The following GALNT13 variants were observed in gnomAD, a reference collection of about 807,000 sequenced individuals.
The protein encoded by GALNT13 is polypeptide N-acetylgalactosaminyltransferase 13.
In GALNT13, 28 loss-of-function variants were observed where a neutral mutation model predicts 64.2. The observed-to-expected ratio is 0.44, with a 90% CI of 0.32 to 0.60. The LOEUF is 0.60. Among genes scored for constraint, GALNT13 ranks in the 20% least tolerant of loss-of-function variants. The pLI is 0.05. For synonymous variants in GALNT13, 214 were observed against 224.6 expected (o/e 0.95, Z 0.42); for missense variants, 577 against 669.8 (o/e 0.86, Z 1.53).
chr2:153,371,788 T>G, the GALNT13 span, among the ~76,000 whole-genome samples: 1 of 152,326 alleles, frequency 6.6e-6, no homozygotes, highest in South Asian at 2.1e-4. Flanking sequence ...TTGTAGATAT[T>G]AAAAAGCTGA....
chr2:153,316,639 C>CAAAAAAAAAAA, the GALNT13 span, among the ~76,000 whole-genome samples: 14,208 of 68,262 alleles, frequency 0.21, 2,183 homozygotes, highest in Non-Finnish European at 0.31. Flanking sequence ...GACTCCGTCT[C>CAAAAAAAAAAA]AAAAAAAAAA....
chr2:153,574,406 T>C, the GALNT13 span, among the ~76,000 whole-genome samples: 1 of 152,112 alleles, frequency 6.6e-6, no homozygotes, highest in African/African-American at 2.4e-5. Context: ...TTTGGGGAGT[T>C]CTCTGTTATT....
chr2:153,404,118 G>T, the GALNT13 span, among the ~76,000 whole-genome samples: 25 of 152,284 alleles, frequency 1.6e-4, no homozygotes, highest in Middle Eastern at 3.4e-3. Flanking sequence ...ATAGTGGCTT[G>T]TATCAGTCCA....
At chr2:153,376,067 T>A in the GALNT13 span, among the ~76,000 whole-genome samples, 95 of 152,124 alleles carry the variant, frequency 6.2e-4, 1 homozygote, top group African/African-American at 2.2e-3. Context: ...AATCTCTTCA[T>A]GAAGGATCTG....
intron 3 of GALNT13, among the ~76,000 whole-genome samples, chr2:154,125,985 T>C (rs891664289): frequency 1.6e-4 from 24 of 152,146 alleles, no homozygotes; most frequent in African/African-American, 5.6e-4. Flanking sequence ...CATGACTGTT[T>C]TTCAGTGGGT....
the GALNT13 span, among the ~76,000 whole-genome samples, chr2:153,648,372 C>T: frequency 1.9e-4 from 29 of 152,058 alleles, no homozygotes; most frequent in South Asian, 6.2e-4. Context: ...TGGGCTGAGA[C>T]GATGGCATTT....
At chr2:154,349,781 A>C (rs1257900836) in intron 9 of GALNT13, among the ~76,000 whole-genome samples, 1 of 152,194 alleles carries the variant, frequency 6.6e-6, no homozygotes, top group Non-Finnish European at 1.5e-5. Context: ...GACACTGATA[A>C]ATAAGTGCCA....
chr2:154,133,534 TTATATATATATATATATATATATATA>T (rs201083794), intron 3 of GALNT13, among the ~76,000 whole-genome samples: 14 of 77,296 alleles, frequency 1.8e-4, no homozygotes, highest in African/African-American at 5.6e-4. Flanking sequence ...ACAGACCATT[TTATATATATATATATATATATATATA>T]TATATATATA....
chr2:154,438,535 T>C (rs1701113167), intron 11 of GALNT13, 57 bp from the exon 12 acceptor site: 14 of 1,336,646 alleles, frequency 1.0e-5, no homozygotes, highest in Middle Eastern at 3.7e-4. Flanking sequence ...ATAGATCTGC[T>C]CTATTGTGAC....
At chr2:154,072,467 C>T (rs539604072) in intron 3 of GALNT13, among the ~76,000 whole-genome samples, 3 of 152,178 alleles carry the variant, frequency 2.0e-5, no homozygotes, top group African/African-American at 7.2e-5. Flanking sequence ...GAGCTAATTG[C>T]ATCTTACTCT....
In GALNT13 at chr2:153,931,663, G is replaced by A. The variant is rs114257674; in HGVS notation, c.-104-12731G>A. ...TGCTGAAGCACATTTATTGATTCAC[G>A]TATGTTGAACCAACCTTGCATCCTA... On this transcript the variant is annotated intron_variant, in intron 2 of 12. Transcript: ENST00000392825. Among the ~76,000 whole-genome samples the A allele has an allele frequency of 5.2e-3, 797 of 152,172 alleles. 10 individuals carry two copies. The highest frequency in any genetic ancestry group is 0.017 in the African/African-American group (726 of 41,522).
intron 9 of GALNT13, among the ~76,000 whole-genome samples, chr2:154,320,293 C>T (rs2105159930): frequency 6.6e-6 from 1 of 152,130 alleles, no homozygotes; most frequent in Admixed American, 6.5e-5. Context: ...ACTTGGAAGT[C>T]AGTATTAAAG....
chr2:154,047,645 C>T (rs1699357801), intron 3 of GALNT13, among the ~76,000 whole-genome samples: 1 of 152,062 alleles, frequency 6.6e-6, no homozygotes, highest in African/African-American at 2.4e-5. Context: ...GTAAATGCTC[C>T]CTACATTTGG....
the GALNT13 span, among the ~76,000 whole-genome samples, chr2:153,564,234 G>A: frequency 6.6e-6 from 1 of 151,772 alleles, no homozygotes; most frequent in Non-Finnish European, 1.5e-5. Flanking sequence ...TTTAATGAAA[G>A]CATTGAAGAG....
intron 1 of GALNT13, among the ~76,000 whole-genome samples, chr2:153,878,351 C>T (rs1558830255): frequency 6.6e-6 from 1 of 152,074 alleles, no homozygotes; most frequent in Non-Finnish European, 1.5e-5. Flanking sequence ...CTTGGATGCC[C>T]ATCTTACTCT....
the GALNT13 span, among the ~76,000 whole-genome samples, chr2:153,673,133 A>G: frequency 2.0e-5 from 3 of 152,186 alleles, no homozygotes; most frequent in Non-Finnish European, 4.4e-5. Flanking sequence ...AGAGATACAA[A>G]GATGAGCTGG....
Position 153,944,616 on chromosome 2 carries a change from G to A in GALNT13, c.119G>A (p.Arg40Lys). ...AACAAATGTGATGACAAGAAGGAGA[G>A]ATCTCTGCTGCCTGCATTGAGGGGT... is the stretch of plus-strand genomic sequence containing the variant. ...ECNKCDDKKE[R>K]SLLPALRAVI... Residue 40 changes from arginine to lysine, a missense_variant, in exon 3 of 13, where the codon AGA becomes AAA. By Grantham distance (26) the Arg-to-Lys change is conservative. Coordinates refer to ENST00000392825, the MANE Select transcript of GALNT13 (RefSeq NM_052917.4). 6.2e-7 allele frequency: 1 copy of A among 1,613,290 alleles called. No individual in the cohort carries two copies. Among genetic ancestry groups the A allele is most frequent in the Non-Finnish European group, 8.5e-7 (1 of 1,179,462 alleles).
intron 4 of GALNT13, among the ~76,000 whole-genome samples, chr2:154,156,885 G>A (rs533074329): frequency 1.4e-4 from 21 of 152,238 alleles, no homozygotes; most frequent in African/African-American, 4.3e-4. Flanking sequence ...CTCATGCACA[G>A]AATAGAATGA....
rs1697442224 is a variant in GALNT13, at chr2:154,021,086, CT to C, written c.142+76448del. On this transcript the variant is annotated intron_variant, in intron 3 of 12. Coordinates refer to ENST00000392825, the MANE Select transcript of GALNT13 (RefSeq NM_052917.4). ...TCTCTGTTTTCGTACCAGTACCATGCTGTTTTGGTTACTGTAGCCTTGTAGT... is the reference window on the plus strand; with the variant it reads ...TCTCTGTTTTCGTACCAGTACCATGCGTTTTGGTTACTGTAGCCTTGTAGT... Among the ~76,000 whole-genome samples, 3 of 152,164 alleles carry C rather than the reference CT, an allele frequency of 2.0e-5. No homozygotes were observed. In the South Asian group the frequency reaches 6.2e-4, roughly 31 times the overall value.
Sources: gnomAD v4.1 joint callset for allele counts (sites outside exome capture counted in the v4.1 genomes callset) on GRCh38, gnomAD v4.1.1 for gene constraint, MANE v1.5 for transcripts, NCBI Gene and HGNC (gene_info 2026-07-23, HGNC 2026-07-21) for gene names.